The following FAM185A variants were observed in gnomAD, a reference collection of about 807,000 sequenced individuals.
FAM185A encodes the protein family with sequence similarity 185 member A, also known as protein FAM185A.
Under a neutral mutation model 45.7 loss-of-function variants are expected in FAM185A, and 21 were observed. That is an observed-to-expected ratio of 0.46 (90% confidence interval 0.33 to 0.66). FAM185A has a LOEUF of 0.66. FAM185A is among the 30% of genes least tolerant of loss of function. The pLI, the probability that FAM185A is intolerant of heterozygous loss-of-function variation, is 0.03. For synonymous variants in FAM185A, 117 were observed against 194.0 expected (o/e 0.60, Z 3.30); for missense variants, 305 against 485.4 (o/e 0.63, Z 3.49).
At chr7:102,803,443 T>C (rs1796913858) in intron 7 of FAM185A, among the ~76,000 whole-genome samples, 1 of 152,178 alleles carries the variant, frequency 6.6e-6, no homozygotes, top group African/African-American at 2.4e-5. Context: ...CATGATCATC[T>C]CAATAGATGC....
At chr7:102,798,817 G>A (rs1348510538) in intron 7 of FAM185A, among the ~76,000 whole-genome samples, 3 of 151,440 alleles carry the variant, frequency 2.0e-5, no homozygotes, top group Non-Finnish European at 4.4e-5. Context: ...GCACAATCTC[G>A]GCTCACTGCA....
At chr7:102,833,076 A>G in the FAM185A span, 6 of 1,256,876 alleles carry the variant, frequency 4.8e-6, no homozygotes, top group Admixed American at 2.5e-5. Flanking sequence ...CCTGAAATAC[A>G]GATGTTAGAT....
At chr7:102,813,193 G>T, downstream of FAM185A, 1 of 743,724 alleles carries the variant, frequency 1.3e-6, no homozygotes. Flanking sequence ...TGATGTGTTT[G>T]GAAATATTTG....
At chr7:102,775,295 A>G (rs1220382280) in intron 5 of FAM185A, among the ~76,000 whole-genome samples, 1 of 152,222 alleles carries the variant, frequency 6.6e-6, no homozygotes, top group Non-Finnish European at 1.5e-5. Flanking sequence ...TCCCAGATCC[A>G]TAGAATTTCT....
chr7:102,750,245 C>T (rs1281417283), intron 1 of FAM185A, among the ~76,000 whole-genome samples: 2 of 152,156 alleles, frequency 1.3e-5, no homozygotes, highest in Non-Finnish European at 2.9e-5. Context: ...TGCAAGATAC[C>T]TTTCTTAGCT....
intron 7 of FAM185A, among the ~76,000 whole-genome samples, chr7:102,804,396 G>C (rs949271200): frequency 6.6e-6 from 1 of 152,198 alleles, no homozygotes; most frequent in African/African-American, 2.4e-5. Context: ...ACAGCCAACT[G>C]ATCTTCGAGA....
chr7:102,774,710 TTTTA>T (rs1446135073), intron 5 of FAM185A, among the ~76,000 whole-genome samples: 3 of 152,174 alleles, frequency 2.0e-5, no homozygotes, highest in Non-Finnish European at 1.5e-5. Flanking sequence ...ATCATTTTTC[TTTTA>T]TTAATATGAC....
the FAM185A span, among the ~76,000 whole-genome samples, chr7:102,844,670 C>CA: frequency 6.6e-6 from 1 of 152,108 alleles, no homozygotes; most frequent in Admixed American, 6.5e-5. Flanking sequence ...ATACACTGAC[C>CA]AATTCTGTGA....
At chr7:102,837,189 C>T in the FAM185A span, among the ~76,000 whole-genome samples, 1 of 152,208 alleles carries the variant, frequency 6.6e-6, no homozygotes, top group Non-Finnish European at 1.5e-5. Context: ...GGCATCAGAG[C>T]AAGTGGGACT....
chr7:102,797,579 T>C (rs1211682066), intron 7 of FAM185A, among the ~76,000 whole-genome samples: 1 of 152,076 alleles, frequency 6.6e-6, no homozygotes, highest in Non-Finnish European at 1.5e-5. Context: ...TTAAAAATAA[T>C]AAAATTTCAG....
chr7:102,756,460 A>G (rs1355166165), intron 2 of FAM185A, among the ~76,000 whole-genome samples: 1 of 151,602 alleles, frequency 6.6e-6, no homozygotes, highest in Non-Finnish European at 1.5e-5. Flanking sequence ...GATCGAGACT[A>G]TCCTGGCCAA....
chr7:102,799,737 T>C (rs10228495), intron 7 of FAM185A, among the ~76,000 whole-genome samples: 81,427 of 151,844 alleles, frequency 0.54, 22,973 homozygotes, highest in African/African-American at 0.73. Flanking sequence ...GAAGGGAAAG[T>C]GTTTGTTTGT....
At chr7:102,761,099 A>G (rs1184950841) in intron 3 of FAM185A, among the ~76,000 whole-genome samples, 174 bp from the exon 4 acceptor site, 2 of 152,196 alleles carry the variant, frequency 1.3e-5, no homozygotes, top group Non-Finnish European at 2.9e-5. Flanking sequence ...TATTCTGCAG[A>G]GAATGCACTA....
At chr7:102,782,718 G>A (rs1452779320) in intron 6 of FAM185A, among the ~76,000 whole-genome samples, 7 of 151,972 alleles carry the variant, frequency 4.6e-5, no homozygotes, top group African/African-American at 1.7e-4. Context: ...GAAGACCATC[G>A]AGGCTAGGAA....
At chr7:102,824,532 C>G in the FAM185A span, among the ~76,000 whole-genome samples, 1 of 151,962 alleles carries the variant, frequency 6.6e-6, no homozygotes, top group Non-Finnish European at 1.5e-5. Flanking sequence ...GTTGCACAGG[C>G]TGGAGTGTAG....
chr7:102,830,792 G>A, the FAM185A span, among the ~76,000 whole-genome samples: 1 of 152,194 alleles, frequency 6.6e-6, no homozygotes. Flanking sequence ...GAACACGATT[G>A]TTAATAACCT....
At chr7:102,761,133 G>C in intron 3 of FAM185A, 140 bp from the exon 4 acceptor site, 1 of 702,688 alleles carries the variant, frequency 1.4e-6, no homozygotes, top group South Asian at 2.4e-5. Flanking sequence ...CGTAATTAGA[G>C]GTAGGGAATC....
chr7:102,834,428 G>A, the FAM185A span, among the ~76,000 whole-genome samples: 1 of 141,802 alleles, frequency 7.1e-6, no homozygotes, highest in Admixed American at 7.1e-5. Flanking sequence ...ATATATATGT[G>A]TGATTATATA....
Position 102,749,654 on chromosome 7 carries a change from G to T in FAM185A, c.447G>T (p.Lys149Asn). ...CCGTGGAGGTGAACGCGCCCCTGAAGTTTGGCAAGTGAAGTGAAGTGAAAA... is the reference window on the plus strand; with the variant it reads ...CCGTGGAGGTGAACGCGCCCCTGAATTTTGGCAAGTGAAGTGAAGTGAAAA... Reference protein sequence around the residue: ...QASVEVNAPLKFGLDIKSSGS... With the variant: ...QASVEVNAPLNFGLDIKSSGS... Residue 149 changes from lysine (K) to asparagine (N), a missense_variant, in exon 1 of 8, where the codon AAG becomes AAT. Physicochemically the swap from Lys to Asn is moderately conservative, Grantham distance 94 (BLOSUM62 0). Coordinates refer to ENST00000413034, the MANE Select transcript of FAM185A (RefSeq NM_001145268.2). 6.8e-7 allele frequency: 1 copy of T among 1,473,708 alleles called. No homozygotes were observed. The highest frequency in any genetic ancestry group is 9.0e-7 in the Non-Finnish European group (1 of 1,116,150). The allele number at this position is 1,473,708 out of a possible 1,614,324, so 91.3% of individuals were successfully genotyped here. A position where few individuals can be genotyped will look rare whatever the true frequency, so the allele number is the denominator to read the frequency against.
Sources: gnomAD v4.1 joint callset for allele counts (sites outside exome capture counted in the v4.1 genomes callset) on GRCh38, gnomAD v4.1.1 for gene constraint, MANE v1.5 for transcripts, NCBI Gene and HGNC (gene_info 2026-07-23, HGNC 2026-07-21) for gene names.